TLN1: variants seen among roughly 807,000 people sequenced by gnomAD.
TLN1 encodes the protein talin-1.
In TLN1, 56 loss-of-function variants were observed where a neutral mutation model predicts 292.3. The observed-to-expected ratio is 0.19, with a 90% CI of 0.15 to 0.24. The LOEUF is 0.24. Among genes scored for constraint, TLN1 ranks in the 10% least tolerant of loss-of-function variants. The pLI, the probability that TLN1 is intolerant of heterozygous loss-of-function variation, is 1.00. For missense variants in TLN1, 2,433 were observed against 3,248.2 expected (o/e 0.75, Z 6.10); for synonymous variants, 1,119 against 1,253.7 (o/e 0.89, Z 2.27).
chr9:35,718,680 C>A, intron 17 of TLN1, 132 bp downstream of exon 17: 1 of 710,058 alleles, frequency 1.4e-6, no homozygotes, highest in Non-Finnish European at 2.5e-6. Flanking sequence ...TTACTAGTAT[C>A]ATCCCCTGGA....
Position 35,711,302 on chromosome 9 carries a change from C to T in TLN1, c.3972G>A (p.Thr1324=), listed in dbSNP as rs774589019. 22 of 1,614,026 alleles carry T rather than the reference C, an allele frequency of 1.4e-5. No homozygotes were observed. The highest frequency in any genetic ancestry group is 1.9e-5 in the Non-Finnish European group (22 of 1,180,042). Residue 1324 remains threonine (T), a synonymous_variant, in exon 30 of 57, where the codon ACG becomes ACA. Coordinates refer to ENST00000314888, the MANE Select transcript of TLN1 (RefSeq NM_006289.4). The stretch of plus-strand genomic sequence containing the variant: ...TCTTGAGGTTAGGGGCAGCAGGGTC[C>T]GTGGACAGGGCCTTGGCAGCCAGAA... ...KLLLAAKALS[T]DPAAPNLKSQ... is the part of the protein sequence containing the mutation.
rs41277061 is a variant in TLN1, at chr9:35,711,408, C to T, written c.3880-14G>A. 5.3e-3 allele frequency: 8,494 copies of T among 1,614,178 alleles called. 30 individuals carry two copies. Among genetic ancestry groups the T allele is most frequent in the Non-Finnish European group, 6.7e-3 (7,959 of 1,180,016 alleles). ...GTCCTCCTGGCTCTGTTGAAGGTGA[C>T]AAGGTCAATGCATTGTCCTGTCCTT... On this transcript the variant is annotated splice_polypyrimidine_tract_variant and intron_variant, in intron 29 of 56. Coordinates refer to ENST00000314888, the MANE Select transcript of TLN1 (RefSeq NM_006289.4).
rs749618464 is a variant in TLN1 at position 35,704,754 on chromosome 9, G to A, written c.5795C>T (p.Thr1932Ile). Reference protein sequence around the residue: ...ELGHGCAALVTKAGALQCSPS... With the variant: ...ELGHGCAALVIKAGALQCSPS... ...GCTGCACTGCAGGGCGCCTGCCTTGGTGACCAGAGCGGCACAGCCATGGCC... is the reference window on the plus strand; with the variant it reads ...GCTGCACTGCAGGGCGCCTGCCTTGATGACCAGAGCGGCACAGCCATGGCC... Residue 1932 changes from threonine (T) to isoleucine (I), a missense_variant, in exon 44 of 57, where the codon ACC becomes ATC. Transcript: ENST00000314888. This position sits in a 1 kb window ranked among gnomAD's most constrained non-coding sequence, Gnocchi z 6.9. 3 of 1,614,228 alleles carry A rather than the reference G, an allele frequency of 1.9e-6. No homozygotes were observed. Among genetic ancestry groups the A allele is most frequent in the South Asian group, 1.1e-5 (1 of 91,082 alleles).
rs533086785 is a variant in TLN1, at chr9:35,717,060, G to A, written c.2458+86C>T. 14 of 1,462,866 alleles carry A rather than the reference G, an allele frequency of 9.6e-6. No individual in the cohort carries two copies. In the East Asian group the frequency reaches 2.5e-4, roughly 26 times the overall value. 90.6% of individuals were successfully genotyped at this position (1,462,866 alleles called of 1,614,324 possible). On this transcript the variant is annotated intron_variant, in intron 19 of 56. Transcript: ENST00000314888. This position sits in a 1 kb window ranked among gnomAD's most constrained non-coding sequence, Gnocchi z 4.7. ...ACTGTGCTGAGTTCCTTGGGGTGAA[G>A]TGGTTAGGTCCGCAAGGGGATGATG...
intron 25 of TLN1, among the ~76,000 whole-genome samples, chr9:35,713,727 AAAG>A (rs1420896624): frequency 1.3e-5 from 2 of 151,708 alleles, no homozygotes; most frequent in East Asian, 3.9e-4. Flanking sequence ...AGAAAAGAGA[AAAG>A]AAAAGAAAGA....
chr9:35,725,163 G>T, intron 3 of TLN1, 61 bp downstream of exon 3: 1 of 1,583,738 alleles, frequency 6.3e-7, no homozygotes, highest in South Asian at 1.1e-5. Context: ...GAAAACAGGA[G>T]GTGGAACAGG....
At position 35,722,177 on chromosome 9, in the gene TLN1, C is replaced by T. The variant is rs878988086; in HGVS notation, c.890G>A (p.Arg297His). The change falls in exon 9 of 57, where the codon CGC (arginine) becomes CAC (histidine). Residue 297 changes from arginine (R) to histidine (H), a missense_variant. Around this residue, in one of 7 missense-constraint regions of TLN1, gnomAD observed 78 missense variants for 88.8 expected, o/e 0.88. Transcript: ENST00000314888. ...GQMSEIEAKV[R>H]YVKLARSLKT... Reference sequence around the variant, plus strand: ...GAGAGAACGGGCTAGCTTCACGTAGCGGACCTTGGCCTCAATCTCACTCAT... The same window carrying T: ...GAGAGAACGGGCTAGCTTCACGTAGTGGACCTTGGCCTCAATCTCACTCAT... The T allele has an allele frequency of 6.0e-5, 97 of 1,614,064 alleles. No homozygotes were observed. The highest frequency in any genetic ancestry group is 8.3e-5 in the Admixed American group (5 of 60,000).
intron 25 of TLN1, 48 bp from the exon 26 acceptor site, chr9:35,713,346 G>A: frequency 2.0e-6 from 3 of 1,485,356 alleles, no homozygotes; most frequent in Non-Finnish European, 2.8e-6. Context: ...AGAAGGTGAG[G>A]AGAAGGAACC....
chr9:35,720,381 GC>G, intron 12 of TLN1, 51 bp downstream of exon 12: 1 of 1,599,140 alleles, frequency 6.3e-7, no homozygotes. Flanking sequence ...TTAGAGTCAG[GC>G]CTTGCCTTCT....
chr9:35,717,416 G>A lies in TLN1; in HGVS notation c.2188C>T (p.Pro730Ser). Reference protein sequence around the residue: ...TKVVAPTISSPVCQEQLVEAG... With the variant: ...TKVVAPTISSSVCQEQLVEAG... Reference sequence around the variant, plus strand: ...TCCACCAGTTGCTCTTGGCAGACAGGTGAGCTGATTGTAGGTGCCACCACC... The same window carrying A: ...TCCACCAGTTGCTCTTGGCAGACAGATGAGCTGATTGTAGGTGCCACCACC... Residue 730 changes from proline to serine, a missense_variant, in exon 19 of 57, where the codon CCT becomes TCT. Transcript: ENST00000314888. The surrounding 1 kb of genome is among the most constrained non-coding windows in gnomAD (Gnocchi z 4.7). 5 of 1,613,704 alleles carry A rather than the reference G, an allele frequency of 3.1e-6. No individual in the cohort carries two copies. Among genetic ancestry groups the A allele is most frequent in the Non-Finnish European group, 4.2e-6 (5 of 1,179,662 alleles).
Position 35,706,985 on chromosome 9 carries a change from A to G in TLN1, c.4956-85T>C. On this transcript the variant is annotated intron_variant, in intron 37 of 56. Coordinates refer to ENST00000314888, the MANE Select transcript of TLN1 (RefSeq NM_006289.4). This position sits in a 1 kb window ranked among gnomAD's most constrained non-coding sequence, Gnocchi z 4.2. ...CCTTCCCCTGTATCCTCCCAACACCATCCCATCTCATTGCACTCAAGTGCC... is the reference window on the plus strand; with the variant it reads ...CCTTCCCCTGTATCCTCCCAACACCGTCCCATCTCATTGCACTCAAGTGCC... The G allele has an allele frequency of 1.2e-6, 2 of 1,607,632 alleles. No individual in the cohort carries two copies. Among genetic ancestry groups the G allele is most frequent in the Non-Finnish European group, 1.7e-6 (2 of 1,177,766 alleles).
chr9:35,713,324 G>A, intron 25 of TLN1, 26 bp from the exon 26 acceptor site: 1 of 1,555,566 alleles, frequency 6.4e-7, no homozygotes, highest in Non-Finnish European at 8.8e-7. Context: ...GAAGAATTGG[G>A]CTTGAGAAAG....
Position 35,725,314 on chromosome 9 carries a change from G to C in TLN1, c.138C>G (p.Asp46Glu). 1.2e-6 allele frequency: 2 copies of C among 1,614,182 alleles called. No homozygotes were observed. Among genetic ancestry groups the C allele is most frequent in the Middle Eastern group, 1.6e-4 (1 of 6,062 alleles). Residue 46 changes from aspartate (D) to glutamate (E), a missense_variant, in exon 3 of 57, where the codon GAC (aspartate) becomes GAG (glutamate). Transcript: ENST00000314888. ...CATCATCTGACAGAAAGAGCCCAAA[G>C]TCGCTGGCTAAAAGAGAGGATGGAT... ...IPEAPAGPPS[D>E]FGLFLSDDDP...
intron 8 of TLN1, 150 bp from the exon 9 acceptor site, chr9:35,722,373 G>A (rs1825891675): frequency 2.8e-6 from 2 of 709,184 alleles, no homozygotes; most frequent in Non-Finnish European, 5.0e-6. Flanking sequence ...TAACGGGATG[G>A]AGGCTGATAA....
intron 10 of TLN1, 119 bp downstream of exon 10, chr9:35,721,528 AC>A: frequency 9.0e-7 from 1 of 1,116,502 alleles, no homozygotes; most frequent in Admixed American, 2.7e-5. Flanking sequence ...ATCTACTCTA[AC>A]CTCCTTTTTT....
In TLN1 at chr9:35,699,037, G is replaced by C. The variant is rs1391551183; in HGVS notation, c.6994C>G (p.Pro2332Ala). The C allele has an allele frequency of 1.2e-6, 2 of 1,612,724 alleles. No individual in the cohort carries two copies. The highest frequency in any genetic ancestry group is 1.7e-6 in the Non-Finnish European group (2 of 1,179,052). ...KLEQLKPRAKPKEADESLNFE... is the reference protein window; with the variant it reads ...KLEQLKPRAKAKEADESLNFE... Reference sequence around the variant, plus strand: ...AGGAAGGGAGCAGGACTGACCTTGGGTTTGGCCCGGGGCTTCAGCTGCTCT... The same window carrying C: ...AGGAAGGGAGCAGGACTGACCTTGGCTTTGGCCCGGGGCTTCAGCTGCTCT... The change falls in exon 52 of 57, where the codon CCC becomes GCC. Residue 2332 changes from proline (P) to alanine (A), a missense_variant. Physicochemically the swap from Pro to Ala is conservative, Grantham distance 27. Around this residue, in one of 7 missense-constraint regions of TLN1, gnomAD observed 1,384 missense variants for 1,699.6 expected, o/e 0.81. Transcript: ENST00000314888. This position sits in a 1 kb window ranked among gnomAD's most constrained non-coding sequence, Gnocchi z 4.0.
chr9:35,708,706 T>C (rs922490572), intron 33 of TLN1, among the ~76,000 whole-genome samples: 4 of 152,188 alleles, frequency 2.6e-5, no homozygotes, highest in Non-Finnish European at 2.9e-5. Context: ...TTTCAGAAGA[T>C]TAAAAAAGTT....
At position 35,719,957 on chromosome 9, in the gene TLN1, G is replaced by T; in HGVS notation, c.1464+82C>A. The T allele has an allele frequency of 1.3e-6, 2 of 1,590,110 alleles. No individual in the cohort carries two copies. The highest frequency in any genetic ancestry group is 1.7e-6 in the Non-Finnish European group (2 of 1,164,762). The stretch of plus-strand genomic sequence containing the variant: ...GGAGAGAATACAAATAGGGACCTGG[G>T]AAAAGACTGCCTAACTCCTGGCTCG... On this transcript the variant is annotated intron_variant, in intron 13 of 56. Coordinates refer to ENST00000314888, the MANE Select transcript of TLN1 (RefSeq NM_006289.4). This position sits in a 1 kb window ranked among gnomAD's most constrained non-coding sequence, Gnocchi z 4.6.
rs553860527 is a variant in TLN1 at position 35,729,714 on chromosome 9, C to A, written c.-34+2361G>T. Among the ~76,000 whole-genome samples the A allele has an allele frequency of 3.9e-5, 6 of 152,276 alleles. No individual in the cohort carries two copies. In the South Asian group the frequency reaches 1.2e-3, roughly 32 times the overall value. On this transcript the variant is annotated intron_variant, in intron 1 of 56. Transcript: ENST00000314888. ...AGGACCTAATAACTACTAAGGTAGA[C>A]AGGTTAGAGTCCCACAGCTTCCTAT...
Sources: gnomAD v4.1 joint callset for allele counts (sites outside exome capture counted in the v4.1 genomes callset) on GRCh38, gnomAD v4.1.1 for gene constraint, gnomAD v4.1.1 regional missense constraint, Gnocchi (gnomAD v3.1) non-coding constraint, MANE v1.5 for transcripts, NCBI Gene and HGNC (gene_info 2026-07-23, HGNC 2026-07-21) for gene names.